MLIP: variants seen among roughly 807,000 people sequenced by gnomAD.
MLIP encodes the protein muscular LMNA-interacting protein.
MLIP carries 79 observed loss-of-function variants against 84.8 expected under a neutral mutation model. That is an observed-to-expected ratio of 0.93 (90% confidence interval 0.78 to 1.12). MLIP has a LOEUF of 1.12. MLIP is among the 50% of genes most tolerant of loss of function. MLIP has a pLI of 0.00. For synonymous variants in MLIP, 504 were observed against 463.0 expected, an observed-to-expected ratio of 1.09 and a Z score of -1.14; for missense variants, 1,257 against 1,160.6, an observed-to-expected ratio of 1.08 and a Z score of -1.21.
At chr6:54,191,038 A>G (rs915757423) in intron 10 of MLIP, among the ~76,000 whole-genome samples, 6 of 151,546 alleles carry the variant, frequency 4.0e-5, no homozygotes, top group African/African-American at 7.3e-5. Context: ...CTCGTGATCC[A>G]CCCGCCTCGA....
chr6:54,230,414 T>C (rs1166468098), intron 11 of MLIP, among the ~76,000 whole-genome samples: 1 of 152,184 alleles, frequency 6.6e-6, no homozygotes, highest in East Asian at 1.9e-4. Context: ...ATTATCTTCT[T>C]CCTTACAGAT....
intron 5 of MLIP, among the ~76,000 whole-genome samples, chr6:54,155,741 C>G (rs951545423): frequency 6.6e-6 from 1 of 152,070 alleles, no homozygotes; most frequent in Non-Finnish European, 1.5e-5. Context: ...TAGTTCTTGG[C>G]TCCTAATTTT....
At chr6:54,127,712 T>C (rs1327030601) in intron 3 of MLIP, among the ~76,000 whole-genome samples, 1 of 152,140 alleles carries the variant, frequency 6.6e-6, no homozygotes, top group East Asian at 1.9e-4. Context: ...TCAATATAAA[T>C]ATTGGGTTGA....
At chr6:54,190,930 G>A (rs949393299) in intron 10 of MLIP, among the ~76,000 whole-genome samples, 2 of 151,384 alleles carry the variant, frequency 1.3e-5, no homozygotes, top group African/African-American at 4.9e-5. Flanking sequence ...CGAGTAGCTG[G>A]GACTACAGGC....
At chr6:54,083,943 A>G (rs1767325616) in intron 1 of MLIP, among the ~76,000 whole-genome samples, 1 of 152,226 alleles carries the variant, frequency 6.6e-6, no homozygotes, top group Non-Finnish European at 1.5e-5. Context: ...GCTACTTTTT[A>G]GGACTAAATT....
chr6:54,220,231 T>C lies in MLIP; in HGVS notation c.2719-10483T>C, dbSNP rs114500953. The stretch of plus-strand genomic sequence containing the variant: ...CTGTCCTTAAGTTTATATTTTTGCC[T>C]TGAGTTTTAACTAATAATTGCATTA... On this transcript the variant is annotated intron_variant, in intron 11 of 13. Transcript: ENST00000502396. Among the ~76,000 whole-genome samples, 837 of 152,310 alleles carry C rather than the reference T, an allele frequency of 5.5e-3. 11 individuals carry two copies. Among genetic ancestry groups the C allele is most frequent in the African/African-American group, 0.019 (791 of 41,568 alleles).
At chr6:54,208,086 C>T (rs1383369427) in intron 11 of MLIP, among the ~76,000 whole-genome samples, 1 of 151,900 alleles carries the variant, frequency 6.6e-6, no homozygotes, top group Non-Finnish European at 1.5e-5. Flanking sequence ...TGAGATCGTG[C>T]CACTGCACTC....
At chr6:54,227,624 C>T (rs913091746) in intron 11 of MLIP, among the ~76,000 whole-genome samples, 27 of 152,184 alleles carry the variant, frequency 1.8e-4, no homozygotes, top group Admixed American at 5.9e-4. Context: ...TACAAATCAT[C>T]GGAAATCAAA....
intron 9 of MLIP, among the ~76,000 whole-genome samples, chr6:54,178,462 G>T (rs1024088542): frequency 3.3e-5 from 5 of 151,868 alleles, no homozygotes; most frequent in Non-Finnish European, 7.4e-5. Flanking sequence ...TTTGGGTTTG[G>T]TTTGCTCTTG....
intron 1 of MLIP, chr6:54,083,360 T>A: frequency 2.0e-6 from 2 of 976,796 alleles, no homozygotes; most frequent in Non-Finnish European, 2.9e-6. Flanking sequence ...TCAGATGGGA[T>A]TGAAATAACA....
chr6:54,138,314 G>A (rs976006653), intron 4 of MLIP, 28 bp downstream of exon 4: 142 of 1,497,262 alleles, frequency 9.5e-5, no homozygotes, highest in Non-Finnish European at 1.2e-4. Flanking sequence ...CATGGTGCAT[G>A]CTTATTTTGA....
At position 54,134,750 on chromosome 6, in the gene MLIP, G is replaced by A. The variant is rs111755209; in HGVS notation, c.646-1965G>A. 4.8e-4 allele frequency among the ~76,000 whole-genome samples: 73 copies of A among 151,996 alleles called. 3 individuals are homozygous for A. Among genetic ancestry groups the A allele is most frequent in the African/African-American group, 1.7e-3 (72 of 41,494 alleles). Reference sequence around the variant, plus strand: ...GATAATTTGGTGAATAATCAATCAGGGTAAATAACTGAGTTTGTCATATAC... The same window carrying A: ...GATAATTTGGTGAATAATCAATCAGAGTAAATAACTGAGTTTGTCATATAC... On this transcript the variant is annotated intron_variant, in intron 3 of 13. Transcript: ENST00000502396.
chr6:54,246,980 T>G (rs1237684475), intron 12 of MLIP, among the ~76,000 whole-genome samples: 1 of 152,150 alleles, frequency 6.6e-6, no homozygotes, highest in African/African-American at 2.4e-5. Context: ...GATTGCTTTA[T>G]TACCCTTTCT....
At chr6:54,102,227 G>A (rs1459933164) in intron 1 of MLIP, among the ~76,000 whole-genome samples, 4 of 152,074 alleles carry the variant, frequency 2.6e-5, no homozygotes. Flanking sequence ...CTTGTCTAGT[G>A]GACATCGTAA....
chr6:54,034,245 T>C (rs1339531468), intron 1 of MLIP, among the ~76,000 whole-genome samples: 1 of 152,230 alleles, frequency 6.6e-6, no homozygotes, highest in East Asian at 1.9e-4. Flanking sequence ...TGTGTAAACC[T>C]AGGATACATG....
intron 10 of MLIP, among the ~76,000 whole-genome samples, chr6:54,191,688 A>G (rs1777934205): frequency 6.6e-6 from 1 of 152,174 alleles, no homozygotes; most frequent in Non-Finnish European, 1.5e-5. Context: ...AACACAGTGA[A>G]GTTGAAGGAG....
chr6:54,191,984 AAT>A (rs1273926955), intron 10 of MLIP, among the ~76,000 whole-genome samples: 3 of 150,896 alleles, frequency 2.0e-5, no homozygotes, highest in Admixed American at 6.6e-5. Context: ...CAAAGTGGCA[AAT>A]ATATATATGT....
chr6:54,233,283 C>T (rs1311700550), intron 12 of MLIP, among the ~76,000 whole-genome samples: 3 of 152,074 alleles, frequency 2.0e-5, no homozygotes, highest in East Asian at 1.9e-4. Flanking sequence ...CACCCATCAA[C>T]CCGTCATCTA....
chr6:54,124,947 C>G, intron 3 of MLIP, 82 bp downstream of exon 3: 1 of 1,302,670 alleles, frequency 7.7e-7, no homozygotes, highest in Non-Finnish European at 1.0e-6. Flanking sequence ...CAAAGGCCAT[C>G]CTGTTTAAGG....
Sources: allele counts gnomAD v4.1 joint callset (sites outside exome capture counted in the v4.1 genomes callset), GRCh38; gene constraint gnomAD v4.1.1; transcripts MANE v1.5; gene names NCBI Gene and HGNC (gene_info 2026-07-23, HGNC 2026-07-21).